The following DHRS9 variants were observed in gnomAD, a reference collection of about 807,000 sequenced individuals.
DHRS9 encodes dehydrogenase/reductase 9.
In DHRS9, 18 loss-of-function variants were observed where a neutral mutation model predicts 26.6. The ratio of observed to expected loss-of-function variants is 0.68; its 90% CI spans 0.47 to 1.00. DHRS9 has a LOEUF of 1.00. Among genes scored for constraint, DHRS9 ranks in the 50% least tolerant of loss-of-function variants. DHRS9 has a pLI of 0.00. For synonymous variants in DHRS9, 134 were observed against 141.1 expected (o/e 0.95, Z 0.36); for missense variants, 425 against 378.7 (o/e 1.12, Z -1.01).
chr2:169,084,054 A>G (rs1684278749), intron 3 of DHRS9, among the ~76,000 whole-genome samples: 1 of 151,778 alleles, frequency 6.6e-6, no homozygotes, highest in African/African-American at 2.4e-5. Flanking sequence ...GTTTGTTTTA[A>G]TTTTTAGCTC....
chr2:169,081,997 A>G, intron 2 of DHRS9, 103 bp downstream of exon 2: 1 of 1,183,522 alleles, frequency 8.4e-7, no homozygotes, highest in South Asian at 1.6e-5. Flanking sequence ...TTTCGAGAAA[A>G]TGTTTCCTAA....
At chr2:169,086,838 C>A (rs564578588) in intron 3 of DHRS9, among the ~76,000 whole-genome samples, 20 of 152,202 alleles carry the variant, frequency 1.3e-4, no homozygotes, top group Non-Finnish European at 2.9e-4. Context: ...TCTTCCCTTA[C>A]TTTCTCCCAA....
At chr2:169,081,919 A>G in intron 2 of DHRS9, 25 bp downstream of exon 2, 2 of 1,579,616 alleles carry the variant, frequency 1.3e-6, no homozygotes, top group Middle Eastern at 1.7e-4. Context: ...AGTGGGTAGG[A>G]TGGGACAGGG....
intron 4 of DHRS9, among the ~76,000 whole-genome samples, chr2:169,092,720 G>A (rs1365799169): frequency 1.3e-5 from 2 of 152,172 alleles, no homozygotes; most frequent in Non-Finnish European, 1.5e-5. Flanking sequence ...GACACCAGGA[G>A]CCTTCCTGGT....
chr2:169,075,254 T>G (rs1164159516), intron 1 of DHRS9, among the ~76,000 whole-genome samples: 1 of 152,214 alleles, frequency 6.6e-6, no homozygotes, highest in African/African-American at 2.4e-5. Context: ...ATTTCAGAAT[T>G]ATTGAAAAAT....
At chr2:169,080,054 T>G (rs1441181518) in intron 1 of DHRS9, among the ~76,000 whole-genome samples, 7 of 119,778 alleles carry the variant, frequency 5.8e-5, no homozygotes, top group South Asian at 5.7e-4. Flanking sequence ...AGAAAGAAAA[T>G]AAAGTCCAAA....
At chr2:169,086,334 T>G (rs1407967598) in intron 3 of DHRS9, among the ~76,000 whole-genome samples, 3 of 152,238 alleles carry the variant, frequency 2.0e-5, no homozygotes, top group Non-Finnish European at 4.4e-5. Flanking sequence ...TTGATTCTTT[T>G]TAATTATTTG....
chr2:169,071,929 A>C (rs13428657), intron 1 of DHRS9, among the ~76,000 whole-genome samples: 1 of 151,690 alleles, frequency 6.6e-6, no homozygotes, highest in East Asian at 1.9e-4. Flanking sequence ...TCACAGAAAC[A>C]TAATTTTTTA....
intron 2 of DHRS9, 128 bp downstream of exon 2, chr2:169,082,022 C>T: frequency 2.1e-6 from 2 of 942,824 alleles, no homozygotes; most frequent in Non-Finnish European, 3.1e-6. Flanking sequence ...CGGCTGTGTA[C>T]TTCTCTAATC....
chr2:169,094,089 A>T (rs1391428084), intron 4 of DHRS9, among the ~76,000 whole-genome samples: 1 of 152,210 alleles, frequency 6.6e-6, no homozygotes, highest in Non-Finnish European at 1.5e-5. Context: ...GCCCTTGTCA[A>T]TACTTGTTAT....
At chr2:169,076,503 C>A (rs1329734308) in intron 1 of DHRS9, among the ~76,000 whole-genome samples, 2 of 152,212 alleles carry the variant, frequency 1.3e-5, no homozygotes, top group African/African-American at 2.4e-5. Context: ...TCGGGTAGAT[C>A]TAGAAAGTTA....
intron 1 of DHRS9, among the ~76,000 whole-genome samples, chr2:169,078,651 A>T (rs1350552528): frequency 6.6e-6 from 1 of 152,174 alleles, no homozygotes; most frequent in African/African-American, 2.4e-5. Flanking sequence ...GCAACAAATT[A>T]TAACTCTTAC....
chr2:169,071,720 A>T (rs1558948671), intron 1 of DHRS9, among the ~76,000 whole-genome samples: 1 of 152,198 alleles, frequency 6.6e-6, no homozygotes, highest in Admixed American at 6.5e-5. Flanking sequence ...CCATTGAGTA[A>T]GGGAACTTAC....
Position 169,095,575 on chromosome 2 carries a change from T to C in DHRS9, c.768T>C (p.Tyr256=), listed in dbSNP as rs1316618454. 2 of 1,613,950 alleles carry C rather than the reference T, an allele frequency of 1.2e-6. No homozygotes were observed. The highest frequency in any genetic ancestry group is 1.7e-5 in the Admixed American group (1 of 59,996). The stretch of plus-strand genomic sequence containing the variant: ...ACAAACTGAAAGGCAATAAATCCTA[T>C]GTGAACATGGACCTCTCTCCGGTGG... ...SLDKLKGNKS[Y]VNMDLSPVVE... Residue 256 remains tyrosine (Y), a synonymous_variant, in exon 5 of 5, where the codon TAT becomes TAC. Transcript: ENST00000674881.
intron 1 of DHRS9, chr2:169,074,466 G>T: frequency 1.0e-6 from 1 of 985,264 alleles, no homozygotes; most frequent in Non-Finnish European, 1.2e-6. Context: ...CAAGCAACCA[G>T]GTCAGTTCCT....
chr2:169,084,366 TTGCTGG>T (rs1164094167), intron 3 of DHRS9, among the ~76,000 whole-genome samples: 1 of 152,212 alleles, frequency 6.6e-6, no homozygotes, highest in Non-Finnish European at 1.5e-5. Flanking sequence ...AGCAGCGGTA[TTGCTGG>T]ATCATATGGT....
At chr2:169,078,840 T>TTTTTTTTTTTTG (rs1553478929) in intron 1 of DHRS9, among the ~76,000 whole-genome samples, 2 of 137,268 alleles carry the variant, frequency 1.5e-5, no homozygotes, top group African/African-American at 5.9e-5. Context: ...TTTTTTTTTT[T>TTTTTTTTTTTTG]TGTGACAGAG....
At position 169,081,619 on chromosome 2, in the gene DHRS9, G is replaced by T; in HGVS notation, c.38G>T (p.Gly13Val). Residue 13 changes from glycine to valine, a missense_variant, in exon 2 of 5, where the codon GGT (glycine) becomes GTT (valine). Coordinates refer to ENST00000674881, the MANE Select transcript of DHRS9 (RefSeq NM_001376924.1). Reference protein sequence around the residue: ...FWVLGLLILCGFLWTRKGKLK... With the variant: ...FWVLGLLILCVFLWTRKGKLK... ...GTGCTAGGCCTCCTAATCCTCTGTG[G>T]TTTTCTGTGGACTCGTAAAGGAAAA... 3 of 1,614,138 alleles carry T rather than the reference G, an allele frequency of 1.9e-6. No individual in the cohort carries two copies. Among genetic ancestry groups the T allele is most frequent in the Non-Finnish European group, 2.5e-6 (3 of 1,180,030 alleles).
chr2:169,076,261 C>T (rs189870772), intron 1 of DHRS9, among the ~76,000 whole-genome samples: 2 of 152,292 alleles, frequency 1.3e-5, no homozygotes, highest in East Asian at 1.9e-4. Context: ...TCTCTTACTT[C>T]GCCAGTGGGA....
Sources: gnomAD v4.1 joint callset for allele counts (sites outside exome capture counted in the v4.1 genomes callset) on GRCh38, gnomAD v4.1.1 for gene constraint, MANE v1.5 for transcripts, NCBI Gene and HGNC (gene_info 2026-07-23, HGNC 2026-07-21) for gene names.